Variants in DLGAP1 observed in about 807,000 individuals in gnomAD.
DLGAP1 encodes disks large-associated protein 1.
A neutral mutation model predicts 90.8 loss-of-function variants in DLGAP1; 11 were observed. The observed-to-expected ratio is 0.12, with a 90% CI of 0.08 to 0.20. The LOEUF (loss-of-function observed/expected upper bound fraction) is 0.20, where lower values mean the gene tolerates loss of function less well. DLGAP1 is among the 10% of genes least tolerant of loss of function. The probability of loss-of-function intolerance (pLI) is 1.00; values close to 1 mark genes in which losing one functional copy is unlikely to be tolerated. For missense variants in DLGAP1, 1,050 were observed against 1,333.8 expected (o/e 0.79, Z 3.31); for synonymous variants, 558 against 540.7 (o/e 1.03, Z -0.44).
chr18:4,221,249 T>C (rs1440172983), intron 1 of DLGAP1, among the ~76,000 whole-genome samples: 1 of 152,112 alleles, frequency 6.6e-6, no homozygotes, highest in African/African-American at 2.4e-5. Flanking sequence ...TACAATTGAA[T>C]CCCTTGCCTG....
At chr18:4,064,027 C>A (rs886446887) in intron 2 of DLGAP1, among the ~76,000 whole-genome samples, 23 of 152,180 alleles carry the variant, frequency 1.5e-4, no homozygotes, top group African/African-American at 5.3e-4. Flanking sequence ...ACCCACCTGG[C>A]ATGTCCTCCT....
At chr18:4,382,984 G>C (rs933495023) in intron 1 of DLGAP1, among the ~76,000 whole-genome samples, 1 of 152,124 alleles carries the variant, frequency 6.6e-6, no homozygotes, top group African/African-American at 2.4e-5. Flanking sequence ...GGGCCAGCCA[G>C]TATATCAGTA....
At chr18:3,657,893 C>G (rs1486136244) in intron 7 of DLGAP1, among the ~76,000 whole-genome samples, 2 of 152,068 alleles carry the variant, frequency 1.3e-5, no homozygotes, top group Admixed American at 1.3e-4. Context: ...CTTGAGCCAC[C>G]GCGCCCGGCT....
chr18:4,059,713 A>AAAAATAAAT lies in DLGAP1; in HGVS notation c.-158-54513_-158-54512insATTTATTTT, dbSNP rs71368724. Among the ~76,000 whole-genome samples, 64 of 150,568 alleles carry AAAAATAAAT rather than the reference A, an allele frequency of 4.3e-4. 1 individual carries two copies. The highest frequency in any genetic ancestry group is 3.4e-3 in the Middle Eastern group (1 of 292). On this transcript the variant is annotated intron_variant, in intron 2 of 12. Coordinates refer to ENST00000315677, the MANE Select transcript of DLGAP1 (RefSeq NM_004746.4). ...ACAACAGGAGCAAAACTCCATCTCAAAAATAAATAAATAAATAAATAAATA... is the reference window on the plus strand; with the variant it reads ...ACAACAGGAGCAAAACTCCATCTCAAAAAATAAATAAATAAATAAATAAATAAATAAATA...
At chr18:4,261,397 G>A (rs2078999909) in intron 1 of DLGAP1, among the ~76,000 whole-genome samples, 1 of 151,996 alleles carries the variant, frequency 6.6e-6, no homozygotes, top group Non-Finnish European at 1.5e-5. Flanking sequence ...GCATTATGGA[G>A]CCCCTTAGAT....
intron 7 of DLGAP1, among the ~76,000 whole-genome samples, chr18:3,717,898 T>C (rs1445366794): frequency 6.6e-6 from 1 of 152,202 alleles, no homozygotes; most frequent in Non-Finnish European, 1.5e-5. Flanking sequence ...TGAGATCTTA[T>C]ATTAGAGTGG....
chr18:4,355,742 CTT>C (rs56040788), intron 1 of DLGAP1, among the ~76,000 whole-genome samples: 39,757 of 124,722 alleles, frequency 0.32, 5,656 homozygotes, highest in South Asian at 0.49. Flanking sequence ...AATCCGGGAT[CTT>C]TTTTTTTTTT....
intron 7 of DLGAP1, among the ~76,000 whole-genome samples, chr18:3,642,203 G>T (rs1425444382): frequency 6.6e-6 from 1 of 152,180 alleles, no homozygotes; most frequent in Non-Finnish European, 1.5e-5. Flanking sequence ...TATCCAAAAT[G>T]CTTGAGACCA....
At chr18:3,703,678 T>C (rs1443643088) in intron 7 of DLGAP1, among the ~76,000 whole-genome samples, 1 of 152,250 alleles carries the variant, frequency 6.6e-6, no homozygotes, top group Non-Finnish European at 1.5e-5. Context: ...TTGTTTTTGT[T>C]TTTTAATTCT....
chr18:3,692,350 A>C (rs749284403), intron 7 of DLGAP1, among the ~76,000 whole-genome samples: 2 of 152,178 alleles, frequency 1.3e-5, no homozygotes, highest in Non-Finnish European at 2.9e-5. Context: ...ATGTGCAGCC[A>C]AGGCATATTA....
At chr18:3,814,805 C>T (rs760632561) in intron 4 of DLGAP1, among the ~76,000 whole-genome samples, 14 of 152,136 alleles carry the variant, frequency 9.2e-5, no homozygotes, top group Non-Finnish European at 1.3e-4. Context: ...TTCCAATTAT[C>T]GTCTTAGTTA....
intron 1 of DLGAP1, among the ~76,000 whole-genome samples, chr18:4,171,096 A>T (rs919465726): frequency 2.6e-5 from 4 of 151,768 alleles, no homozygotes; most frequent in African/African-American, 9.7e-5. Flanking sequence ...GAATGAAAAA[A>T]CTTTTAACCA....
At chr18:3,683,443 A>G (rs950705674) in intron 7 of DLGAP1, among the ~76,000 whole-genome samples, 1 of 152,228 alleles carries the variant, frequency 6.6e-6, no homozygotes, top group South Asian at 2.1e-4. Flanking sequence ...TTTTACAGAG[A>G]AAAGATTAGA....
chr18:4,230,154 GA>G (rs971740519), intron 1 of DLGAP1, among the ~76,000 whole-genome samples: 18 of 152,176 alleles, frequency 1.2e-4, no homozygotes, highest in African/African-American at 4.1e-4. Flanking sequence ...AGGATGTGGA[GA>G]AAAGGGAACC....
intron 5 of DLGAP1, among the ~76,000 whole-genome samples, chr18:3,750,764 C>T (rs75653142): frequency 3.3e-5 from 5 of 152,304 alleles, no homozygotes; most frequent in East Asian, 1.9e-4. Flanking sequence ...TGTTTCCCCA[C>T]GTGATCACGC....
At chr18:4,140,510 AT>A (rs542538271) in intron 2 of DLGAP1, among the ~76,000 whole-genome samples, 7 of 151,844 alleles carry the variant, frequency 4.6e-5, no homozygotes, top group Non-Finnish European at 1.0e-4. Context: ...TGTAGTGGTT[AT>A]TTTTTGATTG....
intron 2 of DLGAP1, among the ~76,000 whole-genome samples, chr18:4,047,186 G>A (rs1039458078): frequency 3.3e-5 from 5 of 152,108 alleles, no homozygotes; most frequent in Admixed American, 1.3e-4. Flanking sequence ...TTCCACTCCC[G>A]GAGCTTCCTG....
chr18:3,983,467 A>T (rs1197233931), intron 3 of DLGAP1: 1 of 152,198 alleles, frequency 6.6e-6, no homozygotes, highest in Admixed American at 6.5e-5. Context: ...TTGCCAGCTC[A>T]CACTAGTTGT....
At chr18:3,569,392 T>C (rs2054634342) in intron 8 of DLGAP1, among the ~76,000 whole-genome samples, 1 of 151,994 alleles carries the variant, frequency 6.6e-6, no homozygotes, top group Non-Finnish European at 1.5e-5. Flanking sequence ...TTTTTTATTT[T>C]CTTAATCATA....
Sources: gnomAD v4.1 joint callset for allele counts (sites outside exome capture counted in the v4.1 genomes callset) on GRCh38, gnomAD v4.1.1 for gene constraint, MANE v1.5 for transcripts, NCBI Gene and HGNC (gene_info 2026-07-23, HGNC 2026-07-21) for gene names.